The following ADCK1 variants were observed in gnomAD, a reference collection of about 807,000 sequenced individuals.
ADCK1 encodes aarF domain containing kinase 1, also known as aarF domain-containing protein kinase 1.
ADCK1 carries 41 observed loss-of-function variants against 52.3 expected under a neutral mutation model. That is an observed-to-expected ratio of 0.78 (90% CI 0.61 to 1.02). The LOEUF (loss-of-function observed/expected upper bound fraction) is 1.02, where lower values mean the gene tolerates loss of function less well. Among genes scored for constraint, ADCK1 ranks in the 50% least tolerant of loss-of-function variants. ADCK1 has a pLI of 0.00. For synonymous variants in ADCK1, 250 were observed against 274.6 expected, an observed-to-expected ratio of 0.91 and a Z score of 0.89; for missense variants, 658 against 679.5, an observed-to-expected ratio of 0.97 and a Z score of 0.35.
At chr14:77,901,729 G>A (rs2083550971) in intron 6 of ADCK1, among the ~76,000 whole-genome samples, 1 of 152,222 alleles carries the variant, frequency 6.6e-6, no homozygotes, top group Non-Finnish European at 1.5e-5. Flanking sequence ...TTCTCTCAGA[G>A]CACACAGGAA....
chr14:77,860,034 A>C (rs935581356), intron 4 of ADCK1, among the ~76,000 whole-genome samples: 2 of 152,138 alleles, frequency 1.3e-5, no homozygotes, highest in African/African-American at 2.4e-5. Flanking sequence ...CCATCTGCCT[A>C]TCTGTCCACC....
At chr14:77,846,450 G>A (rs1333815512) in intron 3 of ADCK1, among the ~76,000 whole-genome samples, 1 of 152,324 alleles carries the variant, frequency 6.6e-6, no homozygotes, top group East Asian at 1.9e-4. Flanking sequence ...TGTCCTGGAA[G>A]CCAGGCCTGG....
chr14:77,863,321 T>G (rs1404783904), intron 4 of ADCK1, among the ~76,000 whole-genome samples: 1 of 152,086 alleles, frequency 6.6e-6, no homozygotes, highest in African/African-American at 2.4e-5. Context: ...TGAGGTCATC[T>G]TTGAAAAGTG....
At chr14:77,837,894 G>A (rs1378106090) in intron 3 of ADCK1, among the ~76,000 whole-genome samples, 4 of 152,212 alleles carry the variant, frequency 2.6e-5, no homozygotes, top group Non-Finnish European at 4.4e-5. Flanking sequence ...GACTCATACT[G>A]GCTTGGATGA....
intron 6 of ADCK1, chr14:77,902,527 A>C (rs1261081450): frequency 6.6e-6 from 1 of 152,222 alleles, no homozygotes; most frequent in African/African-American, 2.4e-5. Flanking sequence ...AGTCTAATAC[A>C]TGCTTCTACT....
intron 8 of ADCK1, among the ~76,000 whole-genome samples, 193 bp from the exon 9 acceptor site, chr14:77,925,571 C>T (rs2140296045): frequency 6.6e-6 from 1 of 152,334 alleles, no homozygotes; most frequent in Non-Finnish European, 1.5e-5. Flanking sequence ...CACTACCACT[C>T]AGGGTCGAGG....
Position 77,925,869 on chromosome 14 carries a change from G to C in ADCK1, c.1114G>C (p.Asp372His), listed in dbSNP as rs752951422. ...GTACAGCCAGCGACTGGGAGCCGGGGATCTCTACCCCTTGTTTGCCTGCAT... is the reference window on the plus strand; with the variant it reads ...GTACAGCCAGCGACTGGGAGCCGGGCATCTCTACCCCTTGTTTGCCTGCAT... Reference protein sequence around the residue: ...KEYSQRLGAGDLYPLFACMLT... With the variant: ...KEYSQRLGAGHLYPLFACMLT... Residue 372 changes from aspartate to histidine, a missense_variant, in exon 9 of 11, where the codon GAT (aspartate) becomes CAT (histidine). Asp to His is a moderately conservative substitution (Grantham distance 81). Coordinates refer to ENST00000238561, the MANE Select transcript of ADCK1 (RefSeq NM_020421.4). 35 of 1,614,212 alleles carry C rather than the reference G, an allele frequency of 2.2e-5. No homozygotes were observed. The South Asian group carries it at 3.8e-4, about 18-fold the overall frequency.
chr14:77,817,247 C>T (rs2081475472), intron 1 of ADCK1, among the ~76,000 whole-genome samples: 1 of 152,084 alleles, frequency 6.6e-6, no homozygotes, highest in Non-Finnish European at 1.5e-5. Context: ...GTTTCAGAGA[C>T]AAATAAAATG....
chr14:77,819,535 G>C (rs1339130847), intron 2 of ADCK1, among the ~76,000 whole-genome samples: 2 of 152,202 alleles, frequency 1.3e-5, no homozygotes, highest in Admixed American at 1.3e-4. Context: ...CAGTGAGCTA[G>C]GATGAATGGT....
At chr14:77,874,952 C>T (rs192574922) in intron 4 of ADCK1, among the ~76,000 whole-genome samples, 182 of 152,200 alleles carry the variant, frequency 1.2e-3, no homozygotes, top group African/African-American at 3.9e-3. Flanking sequence ...GCAGAGACCT[C>T]AGGATGGGAA....
chr14:77,883,123 G>A (rs920483742), intron 4 of ADCK1, among the ~76,000 whole-genome samples: 3 of 151,860 alleles, frequency 2.0e-5, no homozygotes, highest in African/African-American at 7.3e-5. Context: ...TTTGAATCAC[G>A]GGCCGACAGT....
At chr14:77,899,540 T>C (rs935100769) in intron 6 of ADCK1, among the ~76,000 whole-genome samples, 2 of 152,238 alleles carry the variant, frequency 1.3e-5, no homozygotes, top group African/African-American at 4.8e-5. Context: ...AGAACCTATA[T>C]GCCGTGGTCT....
chr14:77,866,749 C>T (rs910622345), intron 4 of ADCK1, among the ~76,000 whole-genome samples: 4 of 152,100 alleles, frequency 2.6e-5, no homozygotes, highest in African/African-American at 9.7e-5. Context: ...TCTTCACTTG[C>T]AAGGTGGCAG....
rs1453389896 is a variant in ADCK1, at chr14:77,923,246, A to T, written c.859-1211A>T. On this transcript the variant is annotated intron_variant, in intron 7 of 10. Transcript: ENST00000238561. This position sits in a 1 kb window ranked among gnomAD's most constrained non-coding sequence, Gnocchi z 4.3. ...CAGGGAGGGCTTCTTCAGAGAGGTGATGCTGATCTGGGATGGGAAGGAAGA... is the reference window on the plus strand; with the variant it reads ...CAGGGAGGGCTTCTTCAGAGAGGTGTTGCTGATCTGGGATGGGAAGGAAGA... 1 of 152,290 alleles carries T rather than the reference A, an allele frequency of 6.6e-6. No homozygotes were observed. Among genetic ancestry groups the T allele is most frequent in the Non-Finnish European group, 1.5e-5 (1 of 68,068 alleles). 9.4% of individuals were successfully genotyped at this position (152,290 alleles called of 1,614,324 possible).
At chr14:77,925,461 G>T (rs997469180) in intron 8 of ADCK1, among the ~76,000 whole-genome samples, 1 of 152,216 alleles carries the variant, frequency 6.6e-6, no homozygotes, top group African/African-American at 2.4e-5. Context: ...CGTCAGTTGG[G>T]CTCATGCTGA....
At chr14:77,846,710 C>T (rs1015091454) in intron 3 of ADCK1, among the ~76,000 whole-genome samples, 11 of 152,160 alleles carry the variant, frequency 7.2e-5, no homozygotes, top group East Asian at 5.8e-4. Flanking sequence ...CACTGGGGAA[C>T]GGTCAAGTCA....
chr14:77,925,771 C>T lies in ADCK1; in HGVS notation c.1016C>T (p.Thr339Met), dbSNP rs147082749. The T allele has an allele frequency of 2.7e-5, 43 of 1,613,946 alleles. No homozygotes were observed. The highest frequency in any genetic ancestry group is 5.3e-5 in the African/African-American group (4 of 74,946). ...LLDHGLYQML[T>M]EEFRLNYCHL... Reference sequence around the variant, plus strand: ...CTGCCGCCTCCACCCTAGATGCTCACGGAAGAATTCCGCCTGAATTACTGC... The same window carrying T: ...CTGCCGCCTCCACCCTAGATGCTCATGGAAGAATTCCGCCTGAATTACTGC... The change falls in exon 9 of 11, where the codon ACG becomes ATG. Residue 339 changes from threonine to methionine, a missense_variant. Transcript: ENST00000238561.
chr14:77,899,650 C>G (rs1249860966), intron 6 of ADCK1, among the ~76,000 whole-genome samples: 1 of 152,178 alleles, frequency 6.6e-6, no homozygotes, highest in African/African-American at 2.4e-5. Flanking sequence ...TTTACCTTGG[C>G]TCATACAGTT....
chr14:77,849,676 T>C (rs1316798772), intron 3 of ADCK1, among the ~76,000 whole-genome samples: 1 of 152,024 alleles, frequency 6.6e-6, no homozygotes, highest in African/African-American at 2.4e-5. Context: ...GCTCTCGAAC[T>C]CCTGGCCTCA....
Sources: gnomAD v4.1 joint callset for allele counts (sites outside exome capture counted in the v4.1 genomes callset) on GRCh38, gnomAD v4.1.1 for gene constraint, Gnocchi (gnomAD v3.1) non-coding constraint, MANE v1.5 for transcripts, NCBI Gene and HGNC (gene_info 2026-07-23, HGNC 2026-07-21) for gene names.